Variants in FYB1 observed in about 807,000 individuals in gnomAD.
FYB1 encodes the protein FYN binding protein 1.
Under a neutral mutation model 94.1 loss-of-function variants are expected in FYB1, and 41 were observed. That is an observed-to-expected ratio of 0.44 (90% CI 0.34 to 0.57). FYB1 has a LOEUF of 0.57. Ranked by LOEUF, FYB1 falls within the 20% of genes least tolerant of loss-of-function variation. FYB1 has a pLI of 0.02. For missense variants in FYB1, 1,050 were observed against 976.8 expected (o/e 1.07, Z -1.00); for synonymous variants, 367 against 353.2 (o/e 1.04, Z -0.44).
At chr5:39,268,401 T>A (rs1239613580) in intron 1 of FYB1, among the ~76,000 whole-genome samples, 1 of 151,920 alleles carries the variant, frequency 6.6e-6, no homozygotes, top group Non-Finnish European at 1.5e-5. Context: ...CTGATTTATT[T>A]TTTTACTTTA....
intron 2 of FYB1, among the ~76,000 whole-genome samples, chr5:39,198,483 T>C (rs1748021861): frequency 6.6e-6 from 1 of 152,196 alleles, no homozygotes; most frequent in African/African-American, 2.4e-5. Flanking sequence ...TAAAATCCCA[T>C]GTACATATTA....
intron 3 of FYB1, among the ~76,000 whole-genome samples, chr5:39,144,344 G>A (rs1325482159): frequency 6.6e-6 from 1 of 152,140 alleles, no homozygotes; most frequent in African/African-American, 2.4e-5. Context: ...CACTCTCAAT[G>A]TATAGGAAAT....
intron 2 of FYB1, among the ~76,000 whole-genome samples, chr5:39,191,024 T>C (rs1018427872): frequency 6.6e-6 from 1 of 152,222 alleles, no homozygotes; most frequent in Admixed American, 6.5e-5. Flanking sequence ...AGATTCTTTT[T>C]CCACAAATAC....
intron 16 of FYB1, among the ~76,000 whole-genome samples, chr5:39,111,656 A>T (rs747610177): frequency 6.6e-5 from 10 of 151,938 alleles, no homozygotes; most frequent in Non-Finnish European, 1.3e-4. Context: ...TTTGGGAAAG[A>T]AAGAATCAAA....
chr5:39,191,786 A>G (rs1747385153), intron 2 of FYB1, among the ~76,000 whole-genome samples: 1 of 152,222 alleles, frequency 6.6e-6, no homozygotes, highest in Non-Finnish European at 1.5e-5. Flanking sequence ...CACGCCATAA[A>G]TATCATTATT....
At chr5:39,240,844 C>A (rs1200132288) in intron 1 of FYB1, among the ~76,000 whole-genome samples, 2 of 152,188 alleles carry the variant, frequency 1.3e-5, no homozygotes, top group Non-Finnish European at 2.9e-5. Context: ...GAATATAAAT[C>A]ATTCTACCAC....
chr5:39,115,165 G>A (rs410653), intron 16 of FYB1, among the ~76,000 whole-genome samples: 39,268 of 150,724 alleles, frequency 0.26, 5,895 homozygotes, highest in South Asian at 0.51. Flanking sequence ...GTGCAATCTC[G>A]GCTAACTGCA....
chr5:39,200,174 C>G (rs971926041), intron 2 of FYB1, among the ~76,000 whole-genome samples: 4 of 152,180 alleles, frequency 2.6e-5, no homozygotes, highest in African/African-American at 9.7e-5. Context: ...AGAAGGAGAA[C>G]AAGGATAAAC....
At chr5:39,186,131 A>T (rs796689812) in intron 2 of FYB1, among the ~76,000 whole-genome samples, 1 of 152,190 alleles carries the variant, frequency 6.6e-6, no homozygotes, top group South Asian at 2.1e-4. Context: ...CCACTAAAAC[A>T]TGAACACAAA....
chr5:39,154,258 A>T lies in FYB1; in HGVS notation c.1136-654T>A, dbSNP rs565353132. ...ATAGTGACTAGAATCAGTTGTTTCT[A>T]TATCTTTCCTCTTTGTTTTGATCCT... On this transcript the variant is annotated intron_variant, in intron 2 of 18. Transcript: ENST00000512982. Among the ~76,000 whole-genome samples the T allele has an allele frequency of 7.9e-5, 12 of 152,212 alleles. No homozygotes were observed. In the South Asian group the frequency reaches 8.3e-4, roughly 11 times the overall value.
intron 9 of FYB1, among the ~76,000 whole-genome samples, chr5:39,131,868 C>A (rs142310281): frequency 7.9e-5 from 12 of 152,146 alleles, no homozygotes; most frequent in Admixed American, 3.9e-4. Flanking sequence ...TATTTCATGT[C>A]TAGAGCAATT....
intron 1 of FYB1, among the ~76,000 whole-genome samples, chr5:39,266,723 C>T (rs1444820510): frequency 6.6e-6 from 1 of 152,164 alleles, no homozygotes; most frequent in Admixed American, 6.5e-5. Context: ...TAAAGAACCA[C>T]AAAGCCAGGC....
At chr5:39,112,164 A>G (rs1377785750) in intron 16 of FYB1, among the ~76,000 whole-genome samples, 2 of 152,008 alleles carry the variant, frequency 1.3e-5, no homozygotes, top group African/African-American at 4.8e-5. Flanking sequence ...CATAACTGAA[A>G]TAACTCTTTA....
chr5:39,138,696 A>G lies in FYB1; in HGVS notation c.1360-5T>C, dbSNP rs1411378261. 23 of 1,468,114 alleles carry G rather than the reference A, an allele frequency of 1.6e-5. No individual in the cohort carries two copies. The highest frequency in any genetic ancestry group is 4.6e-5 in the East Asian group (2 of 43,880). 90.9% of individuals were successfully genotyped at this position (1,468,114 alleles called of 1,614,324 possible). ...TTCTCCTTCACTGTCTTGTTCCTGT[A>G]AAGAAAAACATTGATAATGATTAAT... On this transcript the variant is annotated splice_polypyrimidine_tract_variant and splice_region_variant and intron_variant, in intron 5 of 18. Coordinates refer to ENST00000512982, the MANE Select transcript of FYB1 (RefSeq NM_001465.6).
chr5:39,170,338 G>T (rs1272777447), intron 2 of FYB1: 11 of 1,269,990 alleles, frequency 8.7e-6, no homozygotes, highest in African/African-American at 1.5e-5. Flanking sequence ...AGACATGATG[G>T]CAGCAGAATA....
Position 39,108,242 on chromosome 5 carries a change from T to A in FYB1, c.2456A>T (p.Asp819Val), listed in dbSNP as rs1243041818. ...TACATAAGACTTACCATCAGCAATA[T>A]CATCATAGATCTCTCCATCACTGTA... ...LADNDGEIYD[D>V]IADGCIYDND The change falls in exon 18 of 19, where the codon GAT becomes GTT. Residue 819 changes from aspartate (D) to valine (V), a missense_variant. Physicochemically the swap from Asp to Val is radical, Grantham distance 152. Coordinates refer to ENST00000512982, the MANE Select transcript of FYB1 (RefSeq NM_001465.6). 3 of 1,527,200 alleles carry A rather than the reference T, an allele frequency of 2.0e-6. No individual in the cohort carries two copies. The South Asian group carries it at 3.6e-5, about 18-fold the overall frequency. 94.6% of individuals were successfully genotyped at this position (1,527,200 alleles called of 1,614,324 possible).
intron 1 of FYB1, among the ~76,000 whole-genome samples, chr5:39,261,845 C>A (rs1057408669): frequency 6.6e-6 from 1 of 152,016 alleles, no homozygotes; most frequent in Non-Finnish European, 1.5e-5. Context: ...AAGCAGAGTC[C>A]CACAAAGATG....
intron 2 of FYB1, among the ~76,000 whole-genome samples, chr5:39,196,789 G>A (rs1031815753): frequency 6.6e-6 from 1 of 152,240 alleles, no homozygotes; most frequent in African/African-American, 2.4e-5. Context: ...TGGGAACACA[G>A]TCTGCGGAAT....
intron 16 of FYB1, among the ~76,000 whole-genome samples, chr5:39,113,096 A>G (rs1007971330): frequency 4.6e-5 from 7 of 152,136 alleles, no homozygotes; most frequent in African/African-American, 1.7e-4. Context: ...ACTTCACTCT[A>G]TTAAAAGCGT....
Sources: allele counts gnomAD v4.1 joint callset (sites outside exome capture counted in the v4.1 genomes callset), GRCh38; gene constraint gnomAD v4.1.1; transcripts MANE v1.5; gene names NCBI Gene and HGNC (gene_info 2026-07-23, HGNC 2026-07-21).